TMTC2: variants seen among roughly 807,000 people sequenced by gnomAD.
TMTC2 encodes transmembrane O-mannosyltransferase targeting cadherins 2.
In TMTC2, 43 loss-of-function variants were observed where a neutral mutation model predicts 82.4. That is an observed-to-expected ratio of 0.52 (90% CI 0.41 to 0.67). The LOEUF is 0.67. TMTC2 is among the 30% of genes least tolerant of loss of function. The pLI, the probability that TMTC2 is intolerant of heterozygous loss-of-function variation, is 0.00. For missense variants in TMTC2, 919 were observed against 1,012.4 expected (o/e 0.91, Z 1.25); for synonymous variants, 408 against 381.9 (o/e 1.07, Z -0.80).
chr12:83,049,472 G>A (rs936049582), intron 9 of TMTC2, among the ~76,000 whole-genome samples: 1 of 152,140 alleles, frequency 6.6e-6, no homozygotes, highest in Non-Finnish European at 1.5e-5. Context: ...TTCCACCCAG[G>A]TTACTGCAGA....
intron 8 of TMTC2, among the ~76,000 whole-genome samples, chr12:82,993,674 G>C (rs2137352547): frequency 6.6e-6 from 1 of 152,214 alleles, no homozygotes; most frequent in South Asian, 2.1e-4. Context: ...CCTGCATGAG[G>C]GCTGGCCGCT....
intron 1 of TMTC2, among the ~76,000 whole-genome samples, chr12:82,688,180 T>C (rs910798622): frequency 5.9e-5 from 9 of 152,192 alleles, no homozygotes; most frequent in African/African-American, 1.2e-4. Flanking sequence ...CTGCTTTAAC[T>C]TTCCCTTTTA....
intron 1 of TMTC2, 90 bp downstream of exon 1, chr12:82,687,759 C>A: frequency 8.0e-7 from 1 of 1,249,226 alleles, no homozygotes. Context: ...CAAAGTGCGT[C>A]TTGGAGGAAC....
intron 1 of TMTC2, among the ~76,000 whole-genome samples, chr12:82,721,166 ATCCTTCCTCC>A (rs1753727579): frequency 6.6e-6 from 1 of 152,236 alleles, no homozygotes; most frequent in African/African-American, 2.4e-5. Context: ...AACAGCTATC[ATCCTTCCTCC>A]TCCATCCAGT....
At chr12:83,113,253 CAT>C (rs768801457) in intron 11 of TMTC2, among the ~76,000 whole-genome samples, 9 of 152,066 alleles carry the variant, frequency 5.9e-5, no homozygotes, top group Non-Finnish European at 1.3e-4. Flanking sequence ...AGAGATAAGA[CAT>C]TGGTAGATTA....
At chr12:82,764,539 G>A (rs1244254810) in intron 1 of TMTC2, among the ~76,000 whole-genome samples, 1 of 152,072 alleles carries the variant, frequency 6.6e-6, no homozygotes, top group Non-Finnish European at 1.5e-5. Context: ...TATATCAATG[G>A]AGGGATCTTT....
intron 1 of TMTC2, among the ~76,000 whole-genome samples, chr12:82,702,787 G>A (rs548339602): frequency 3.3e-5 from 5 of 152,134 alleles, no homozygotes; most frequent in Non-Finnish European, 5.9e-5. Context: ...GCTGAGGCAG[G>A]AGGATCACTT....
In TMTC2 at chr12:83,051,009, A is replaced by G; in HGVS notation, c.2258A>G (p.His753Arg). Residue 753 changes from histidine to arginine, a missense_variant, in exon 10 of 12, where the codon CAC (histidine) becomes CGC (arginine). By Grantham distance (29) the His-to-Arg change is conservative. Coordinates refer to ENST00000321196, the MANE Select transcript of TMTC2 (RefSeq NM_152588.3). ...TEFDVVFNAA[H>R]MLRQASLNEA... The stretch of plus-strand genomic sequence containing the variant: ...TTTGATGTTGTCTTCAATGCTGCCC[A>G]CATGCTCAGGTTAGTTTTTTTGCTG... 1 of 1,606,330 alleles carries G rather than the reference A, an allele frequency of 6.2e-7. No individual in the cohort carries two copies. Among genetic ancestry groups the G allele is most frequent in the Non-Finnish European group, 8.5e-7 (1 of 1,176,340 alleles).
chr12:82,707,407 T>G (rs1172805935), intron 1 of TMTC2, among the ~76,000 whole-genome samples: 5 of 152,226 alleles, frequency 3.3e-5, no homozygotes, highest in Non-Finnish European at 5.9e-5. Flanking sequence ...ACACACACAT[T>G]GTGTTCTTGT....
chr12:82,904,589 C>T (rs187041943), intron 3 of TMTC2, among the ~76,000 whole-genome samples: 3 of 152,306 alleles, frequency 2.0e-5, no homozygotes, highest in Admixed American at 1.3e-4. Flanking sequence ...TTGCTGATTT[C>T]ACAATGACTC....
intron 8 of TMTC2, among the ~76,000 whole-genome samples, chr12:83,025,168 G>T (rs764677894): frequency 4.5e-4 from 68 of 151,086 alleles, no homozygotes; most frequent in Non-Finnish European, 8.5e-4. Flanking sequence ...CTCCAGCCTG[G>T]GTGACAGAGT....
intron 1 of TMTC2, chr12:82,760,467 T>TA (rs1876555382): frequency 1.3e-4 from 1 of 7,484 alleles, no homozygotes; most frequent in Non-Finnish European, 5.5e-4. Context: ...GTGCCCAGGG[T>TA]TTTTTTTTTT....
At chr12:82,690,577 T>TA in intron 1 of TMTC2, 2 of 214,960 alleles carry the variant, frequency 9.3e-6, no homozygotes, top group Non-Finnish European at 1.6e-5. Flanking sequence ...TATGGTAAAA[T>TA]TTAATATTTT....
intron 8 of TMTC2, among the ~76,000 whole-genome samples, chr12:83,014,334 T>A (rs2137391962): frequency 6.6e-6 from 1 of 152,160 alleles, no homozygotes; most frequent in Non-Finnish European, 1.5e-5. Flanking sequence ...AGCTAATTTT[T>A]GTTTTTTGGT....
intron 1 of TMTC2, among the ~76,000 whole-genome samples, chr12:82,729,476 T>A: frequency 6.6e-6 from 1 of 152,312 alleles, no homozygotes; most frequent in Admixed American, 6.5e-5. Flanking sequence ...GGTTTGTGAA[T>A]GCACCAATCG....
At chr12:83,050,062 T>C (rs898702056) in intron 9 of TMTC2, among the ~76,000 whole-genome samples, 1 of 152,152 alleles carries the variant, frequency 6.6e-6, no homozygotes, top group Non-Finnish European at 1.5e-5. Flanking sequence ...TAAACAAACA[T>C]GAAACCTCAA....
chr12:83,028,443 T>C (rs924698821), intron 8 of TMTC2, among the ~76,000 whole-genome samples: 5 of 152,188 alleles, frequency 3.3e-5, no homozygotes, highest in African/African-American at 1.2e-4. Flanking sequence ...TCCCCTATTA[T>C]GATCAACTTA....
rs914914369 is a variant in TMTC2 at position 82,859,358 on chromosome 12, A to T, written c.654+1778A>T. ...TGGGATTACAGGTGTGAGCCACCGC[A>T]CCCGGTTGTGATTTCTTTTACAGAA... On this transcript the variant is annotated intron_variant, in intron 2 of 11. Coordinates refer to ENST00000321196, the MANE Select transcript of TMTC2 (RefSeq NM_152588.3). Among the ~76,000 whole-genome samples, 5 of 151,908 alleles carry T rather than the reference A, an allele frequency of 3.3e-5. No individual in the cohort carries two copies. The South Asian group carries it at 1.0e-3, about 32-fold the overall frequency.
intron 1 of TMTC2, among the ~76,000 whole-genome samples, chr12:82,779,592 G>A (rs935838103): frequency 1.3e-5 from 2 of 152,140 alleles, no homozygotes; most frequent in African/African-American, 4.8e-5. Flanking sequence ...TAGTGTAGCT[G>A]TTAAACAAAA....
Sources: allele counts gnomAD v4.1 joint callset (sites outside exome capture counted in the v4.1 genomes callset), GRCh38; gene constraint gnomAD v4.1.1; transcripts MANE v1.5; gene names NCBI Gene and HGNC (gene_info 2026-07-23, HGNC 2026-07-21).